The following ATXN10 variants were observed in gnomAD, a reference collection of about 807,000 sequenced individuals.
ATXN10 encodes ataxin 10.
A neutral mutation model predicts 52.9 loss-of-function variants in ATXN10; 28 were observed. The ratio of observed to expected loss-of-function variants is 0.53; its 90% confidence interval spans 0.39 to 0.73. The LOEUF is 0.73. Among genes scored for constraint, ATXN10 ranks in the 30% least tolerant of loss-of-function variants. ATXN10 has a pLI of 0.00. For missense variants in ATXN10, 565 were observed against 577.0 expected, an observed-to-expected ratio of 0.98 and a Z score of 0.21; for synonymous variants, 226 against 221.5, an observed-to-expected ratio of 1.02 and a Z score of -0.18.
At chr22:45,796,010 G>A (rs1032292689) in intron 9 of ATXN10, among the ~76,000 whole-genome samples, 10 of 152,226 alleles carry the variant, frequency 6.6e-5, no homozygotes, top group African/African-American at 2.4e-4. Context: ...ATAACCATAA[G>A]GCCTGACTGC....
intron 1 of ATXN10, chr22:45,676,294 G>A (rs1922687350): frequency 6.7e-6 from 1 of 150,292 alleles, no homozygotes; most frequent in African/African-American, 2.5e-5. Context: ...TACCTGGCTA[G>A]TTGCCTTTAT....
intron 9 of ATXN10, among the ~76,000 whole-genome samples, chr22:45,760,136 C>T (rs999838493): frequency 1.3e-5 from 2 of 152,194 alleles, no homozygotes; most frequent in African/African-American, 2.4e-5. Context: ...GGAGCAGTAG[C>T]CCATGTACTG....
In ATXN10 at chr22:45,775,816, C is replaced by G. The variant is rs1011702646; in HGVS notation, c.1174-31143C>G. ...CACGGTAGCACCAATAATAAATATT[C>G]TACAGCCTCTAACCTGATAGATCAT... is the stretch of plus-strand genomic sequence containing the variant. On this transcript the variant is annotated intron_variant, in intron 9 of 11. Coordinates refer to ENST00000252934, the MANE Select transcript of ATXN10 (RefSeq NM_013236.4). This position sits in a 1 kb window ranked among gnomAD's most constrained non-coding sequence, Gnocchi z 4.7. 2.0e-5 allele frequency among the ~76,000 whole-genome samples: 3 copies of G among 152,148 alleles called. No individual in the cohort carries two copies. The highest frequency in any genetic ancestry group is 7.2e-5 in the African/African-American group (3 of 41,400).
intron 3 of ATXN10, among the ~76,000 whole-genome samples, chr22:45,693,389 A>T (rs1923461724): frequency 6.6e-6 from 1 of 152,150 alleles, no homozygotes; most frequent in Non-Finnish European, 1.5e-5. Context: ...AAAGTCCAAG[A>T]TTAAGGTACC....
intron 9 of ATXN10, among the ~76,000 whole-genome samples, chr22:45,802,848 A>G (rs1927973006): frequency 6.6e-6 from 1 of 152,190 alleles, no homozygotes; most frequent in Non-Finnish European, 1.5e-5. Flanking sequence ...GGTGTTTTCC[A>G]TGCATTGAAT....
rs537795019 is a variant in ATXN10 at position 45,671,857 on chromosome 22, G to GC, written c.-206dup. 123 of 441,396 alleles carry GC rather than the reference G, an allele frequency of 2.8e-4. 2 individuals are homozygous for GC. In the South Asian group the frequency reaches 4.3e-3, roughly 15 times the overall value. 27.3% of individuals were successfully genotyped at this position (441,396 alleles called of 1,614,324 possible). ...GCGCCGTCTCCTCCTCCCGCCTGAGGCGAGTCTGGGCTCAGCCTAGAGCTC... is the reference window on the plus strand; with the variant it reads ...GCGCCGTCTCCTCCTCCCGCCTGAGGCCGAGTCTGGGCTCAGCCTAGAGCTC... On this transcript the variant is annotated 5_prime_UTR_variant, in exon 1 of 12. Transcript: ENST00000252934.
intron 5 of ATXN10, among the ~76,000 whole-genome samples, chr22:45,707,094 CATT>C (rs1001191860): frequency 1.3e-5 from 2 of 152,126 alleles, no homozygotes; most frequent in African/African-American, 4.8e-5. Context: ...GACCCTTTCT[CATT>C]ATAAAATTTA....
intron 10 of ATXN10, among the ~76,000 whole-genome samples, chr22:45,821,561 C>G (rs556764392): frequency 5.3e-5 from 8 of 152,212 alleles, no homozygotes; most frequent in African/African-American, 9.6e-5. Flanking sequence ...AGTCTATATC[C>G]AGGATAAAAA....
In ATXN10 at chr22:45,827,129, CCACA is replaced by C. The variant is rs57068887; in HGVS notation, c.1238-15822_1238-15819del. Among the ~76,000 whole-genome samples the C allele has an allele frequency of 3.9e-3, 567 of 146,704 alleles. 4 individuals are homozygous for C. Among genetic ancestry groups the C allele is most frequent in the Middle Eastern group, 0.021 (6 of 292 alleles). ...ATGTTAAATGTAATCCCCATGGTAA[CCACA>C]CACACACACACACACACACACACAC... On this transcript the variant is annotated intron_variant, in intron 10 of 11. Transcript: ENST00000252934.
rs972044523 is a variant in ATXN10 at position 45,820,160 on chromosome 22, C to A, written c.1237+13138C>A. Among the ~76,000 whole-genome samples, 5 of 152,148 alleles carry A rather than the reference C, an allele frequency of 3.3e-5. No individual in the cohort carries two copies. The highest frequency in any genetic ancestry group is 9.7e-5 in the African/African-American group (4 of 41,418). On this transcript the variant is annotated intron_variant, in intron 10 of 11. Coordinates refer to ENST00000252934, the MANE Select transcript of ATXN10 (RefSeq NM_013236.4). The surrounding 1 kb of genome is among the most constrained non-coding windows in gnomAD (Gnocchi z 4.9). ...CATTAAAAAGCAAAAACGTATTGGG[C>A]CTGTTGGATTCTGTGAAGGGTTCTT...
chr22:45,804,437 C>T (rs1362645298), intron 9 of ATXN10, among the ~76,000 whole-genome samples: 32 of 152,158 alleles, frequency 2.1e-4, no homozygotes, highest in Non-Finnish European at 1.5e-5. Context: ...AATTTTTTCT[C>T]TTCTTCCTGG....
At chr22:45,760,858 C>A (rs1273586235) in intron 9 of ATXN10, among the ~76,000 whole-genome samples, 2 of 152,086 alleles carry the variant, frequency 1.3e-5, no homozygotes, top group Non-Finnish European at 2.9e-5. Context: ...ACCAGCCCAT[C>A]CTCACTGATA....
At chr22:45,700,002 G>C (rs1367685964) in intron 3 of ATXN10, among the ~76,000 whole-genome samples, 1 of 151,810 alleles carries the variant, frequency 6.6e-6, no homozygotes, top group Non-Finnish European at 1.5e-5. Flanking sequence ...AGTAGAGATG[G>C]GGTTTTGACA....
At chr22:45,802,659 G>A (rs1222408510) in intron 9 of ATXN10, among the ~76,000 whole-genome samples, 2 of 152,126 alleles carry the variant, frequency 1.3e-5, no homozygotes, top group South Asian at 2.1e-4. Context: ...ATTTATCCAG[G>A]AACGCATACC....
At chr22:45,802,686 C>T (rs1024509765) in intron 9 of ATXN10, among the ~76,000 whole-genome samples, 7 of 152,192 alleles carry the variant, frequency 4.6e-5, no homozygotes, top group Admixed American at 3.9e-4. Context: ...TGACACACAA[C>T]TCCAGTGGAA....
At position 45,784,190 on chromosome 22, in the gene ATXN10, T is replaced by G. The variant is rs1203484272; in HGVS notation, c.1174-22769T>G. Among the ~76,000 whole-genome samples, 1 of 152,174 alleles carries G rather than the reference T, an allele frequency of 6.6e-6. No individual in the cohort carries two copies. Among genetic ancestry groups the G allele is most frequent in the East Asian group, 1.9e-4 (1 of 5,190 alleles). ...GTGTGGTACAATTTTTAAAAAAAAA[T>G]GTACATTTTTAAATTAGGCAGATCT... On this transcript the variant is annotated intron_variant, in intron 9 of 11. Transcript: ENST00000252934. The surrounding 1 kb of genome is among the most constrained non-coding windows in gnomAD (Gnocchi z 4.2).
chr22:45,696,441 A>G lies in ATXN10; in HGVS notation c.391+3363A>G, dbSNP rs975471950. 2.0e-5 allele frequency among the ~76,000 whole-genome samples: 3 copies of G among 152,220 alleles called. No homozygotes were observed. Among genetic ancestry groups the G allele is most frequent in the Non-Finnish European group, 4.4e-5 (3 of 68,042 alleles). On this transcript the variant is annotated intron_variant, in intron 3 of 11. Coordinates refer to ENST00000252934, the MANE Select transcript of ATXN10 (RefSeq NM_013236.4). This position sits in a 1 kb window ranked among gnomAD's most constrained non-coding sequence, Gnocchi z 4.7. ...TTTCTCTTTTAATGATATATGCTAA[A>G]TAAAGAAGCAAAGGGGAAGTGCTGT...
At chr22:45,730,012 A>G (rs900688298) in intron 7 of ATXN10, among the ~76,000 whole-genome samples, 2 of 152,192 alleles carry the variant, frequency 1.3e-5, no homozygotes, top group Middle Eastern at 3.2e-3. Flanking sequence ...TTGCTGAATG[A>G]ATAAATAAAT....
In ATXN10 at chr22:45,837,758, G is replaced by A. The variant is rs1929215528; in HGVS notation, c.1238-5233G>A. Among the ~76,000 whole-genome samples the A allele has an allele frequency of 6.6e-6, 1 of 152,212 alleles. No homozygotes were observed. Among genetic ancestry groups the A allele is most frequent in the Non-Finnish European group, 1.5e-5 (1 of 68,048 alleles). ...ACAGGCAAGTGATGGGCATGGCTGT[G>A]TGCCGTAGAACCTTGTTTACGGATA... is the stretch of plus-strand genomic sequence containing the variant. On this transcript the variant is annotated intron_variant, in intron 10 of 11. Coordinates refer to ENST00000252934, the MANE Select transcript of ATXN10 (RefSeq NM_013236.4). The surrounding 1 kb of genome is among the most constrained non-coding windows in gnomAD (Gnocchi z 5.8).
Sources: gnomAD v4.1 joint callset for allele counts (sites outside exome capture counted in the v4.1 genomes callset) on GRCh38, gnomAD v4.1.1 for gene constraint, Gnocchi (gnomAD v3.1) non-coding constraint, MANE v1.5 for transcripts, NCBI Gene and HGNC (gene_info 2026-07-23, HGNC 2026-07-21) for gene names.